TTC39B: variants seen among roughly 807,000 people sequenced by gnomAD.
The protein encoded by TTC39B is tetratricopeptide repeat domain 39B, also known as tetratricopeptide repeat protein 39B.
In TTC39B, 92 loss-of-function variants were observed where a neutral mutation model predicts 96.6. That is an observed-to-expected ratio of 0.95 (90% confidence interval 0.80 to 1.13). TTC39B has a LOEUF of 1.13. TTC39B is among the 50% of genes most tolerant of loss of function. TTC39B has a pLI of 0.00. For synonymous variants in TTC39B, 367 were observed against 299.4 expected, an observed-to-expected ratio of 1.23 and a Z score of -2.33; for missense variants, 955 against 809.3, an observed-to-expected ratio of 1.18 and a Z score of -2.18.
At chr9:15,218,435 C>T (rs1295077800) in intron 3 of TTC39B, among the ~76,000 whole-genome samples, 1 of 152,024 alleles carries the variant, frequency 6.6e-6, no homozygotes, top group African/African-American at 2.4e-5. Flanking sequence ...TGTGAACTTT[C>T]AAGCCCTATG....
At chr9:15,243,383 T>C (rs1822132069) in intron 2 of TTC39B, among the ~76,000 whole-genome samples, 1 of 152,180 alleles carries the variant, frequency 6.6e-6, no homozygotes, top group South Asian at 2.1e-4. Context: ...AGGAGAACAG[T>C]TGAAAAGAAT....
exon 18 of TTC39B, chr9:15,177,797 C>T: frequency 6.2e-7 from 1 of 1,604,608 alleles, no homozygotes; most frequent in Non-Finnish European, 8.5e-7. Context: ...TCATCATCCA[C>T]AGAGAAGCTG....
chr9:15,179,679 G>C (rs1253805733), intron 17 of TTC39B, among the ~76,000 whole-genome samples: 1 of 152,176 alleles, frequency 6.6e-6, no homozygotes, highest in Non-Finnish European at 1.5e-5. Context: ...TTGGATGCTA[G>C]CTTGTAGTAT....
intron 18 of TTC39B, among the ~76,000 whole-genome samples, chr9:15,176,294 AC>A (rs1817934784): frequency 6.6e-6 from 1 of 152,246 alleles, no homozygotes. Context: ...ATACAAAAAA[AC>A]AGCACAATAG....
chr9:15,281,419 C>T (rs1169118690), intron 1 of TTC39B, among the ~76,000 whole-genome samples: 5 of 151,996 alleles, frequency 3.3e-5, no homozygotes, highest in African/African-American at 1.2e-4. Flanking sequence ...AGTTGTGTGT[C>T]CAAATACTGG....
At position 15,280,998 on chromosome 9, in the gene TTC39B, T is replaced by G. The variant is rs546140284; in HGVS notation, c.241-13050A>C. Among the ~76,000 whole-genome samples the G allele has an allele frequency of 3.9e-5, 6 of 152,192 alleles. No homozygotes were observed. The East Asian group carries it at 1.2e-3, about 29-fold the overall frequency. ...TTATCCCAAACAGTATTGAGAAGAA[T>G]AATTTATTTCTTTTTTCTTTCTTTT... On this transcript the variant is annotated intron_variant, in intron 1 of 19. Coordinates refer to ENST00000512701, the Ensembl canonical transcript of TTC39B.
intron 19 of TTC39B, 148 bp from the exon 20 acceptor site, chr9:15,172,257 T>C: frequency 2.1e-6 from 1 of 487,752 alleles, no homozygotes; most frequent in Non-Finnish European, 3.5e-6. Context: ...AGATTCTGGT[T>C]CTGTTGGGGG....
At chr9:15,207,422 C>T (rs1264070473) in intron 6 of TTC39B, among the ~76,000 whole-genome samples, 1 of 152,148 alleles carries the variant, frequency 6.6e-6, no homozygotes, top group African/African-American at 2.4e-5. Flanking sequence ...ATGACTAACA[C>T]AGAAATAATT....
chr9:15,273,223 G>A (rs1823419474), intron 1 of TTC39B, among the ~76,000 whole-genome samples: 1 of 152,144 alleles, frequency 6.6e-6, no homozygotes, highest in Admixed American at 6.5e-5. Flanking sequence ...TGACAAATAT[G>A]CTATTAACAG....
chr9:15,233,926 G>T (rs1036604163), intron 2 of TTC39B, among the ~76,000 whole-genome samples: 10 of 151,744 alleles, frequency 6.6e-5, no homozygotes, highest in Non-Finnish European at 1.2e-4. Context: ...CCTCTTCCCC[G>T]CCGCCATCCC....
At chr9:15,209,451 T>G (rs955800357) in intron 6 of TTC39B, among the ~76,000 whole-genome samples, 1 of 152,122 alleles carries the variant, frequency 6.6e-6, no homozygotes, top group Non-Finnish European at 1.5e-5. Flanking sequence ...TACTTTCACT[T>G]TGAAAAAAAT....
At chr9:15,249,773 A>G in intron 2 of TTC39B, 1 of 547,454 alleles carries the variant, frequency 1.8e-6, no homozygotes, top group Non-Finnish European at 2.6e-6. Flanking sequence ...AGACAATGTC[A>G]TCTAACAAAA....
chr9:15,272,345 T>C (rs1175123914), intron 1 of TTC39B, among the ~76,000 whole-genome samples: 1 of 152,184 alleles, frequency 6.6e-6, no homozygotes, highest in African/African-American at 2.4e-5. Context: ...TGGTTTCCCT[T>C]AGCTCCCCAG....
intron 2 of TTC39B, among the ~76,000 whole-genome samples, chr9:15,244,887 A>C (rs2131483609): frequency 6.6e-6 from 1 of 152,362 alleles, no homozygotes; most frequent in Middle Eastern, 3.4e-3. Context: ...AGTTTTTCTA[A>C]AGACAATTCT....
chr9:15,224,681 C>G (rs182282137), intron 3 of TTC39B, among the ~76,000 whole-genome samples: 1 of 152,250 alleles, frequency 6.6e-6, no homozygotes, highest in East Asian at 1.9e-4. Context: ...AATGTTGATA[C>G]AGTAGTTACT....
intron 1 of TTC39B, among the ~76,000 whole-genome samples, chr9:15,291,795 T>TGTG (rs1371456208): frequency 6.6e-6 from 1 of 152,090 alleles, no homozygotes; most frequent in African/African-American, 2.4e-5. Context: ...ATTTCAGATT[T>TGTG]GTGGTATCTG....
chr9:15,270,335 T>C (rs1445364783), intron 1 of TTC39B, among the ~76,000 whole-genome samples: 1 of 152,076 alleles, frequency 6.6e-6, no homozygotes, highest in Non-Finnish European at 1.5e-5. Context: ...AAACGTATTC[T>C]CCAGGAACCC....
intron 3 of TTC39B, among the ~76,000 whole-genome samples, chr9:15,221,534 C>T (rs1260148250): frequency 6.6e-6 from 1 of 151,920 alleles, no homozygotes. Flanking sequence ...CTTTCCCTGC[C>T]CTGGTGCTGG....
intron 2 of TTC39B, among the ~76,000 whole-genome samples, chr9:15,240,658 TAACTC>T (rs537229461): frequency 2.1e-4 from 32 of 152,352 alleles, no homozygotes; most frequent in African/African-American, 7.5e-4. Context: ...TTATCACACA[TAACTC>T]AAAATAGTTA....
Sources: gnomAD v4.1 joint callset for allele counts (sites outside exome capture counted in the v4.1 genomes callset) on GRCh38, gnomAD v4.1.1 for gene constraint, MANE v1.5 for transcripts, NCBI Gene and HGNC (gene_info 2026-07-23, HGNC 2026-07-21) for gene names.